PANK1: variants seen among roughly 807,000 people sequenced by gnomAD.
The protein encoded by PANK1 is pantothenate kinase 1, also known as pantothenic acid kinase 1.
In PANK1, 18 loss-of-function variants were observed where a neutral mutation model predicts 40.1. The observed-to-expected ratio is 0.45, with a 90% CI of 0.31 to 0.67. The LOEUF is 0.67. PANK1 is among the 30% of genes least tolerant of loss of function. The pLI is 0.06. For missense variants in PANK1, 457 were observed against 599.6 expected, an observed-to-expected ratio of 0.76 and a Z score of 2.48; for synonymous variants, 242 against 237.7, an observed-to-expected ratio of 1.02 and a Z score of -0.17.
chr10:89,641,281 C>T (rs1040537720), intron 1 of PANK1, among the ~76,000 whole-genome samples: 14 of 152,098 alleles, frequency 9.2e-5, no homozygotes, highest in African/African-American at 3.4e-4. Flanking sequence ...TAGCCCAATT[C>T]AAGGGTAATG....
intron 1 of PANK1, chr10:89,626,603 T>C (rs1330615503): frequency 6.6e-6 from 1 of 152,216 alleles, no homozygotes; most frequent in East Asian, 1.9e-4. Context: ...TCAGCTTTAA[T>C]TATGCCACTT....
intron 1 of PANK1, among the ~76,000 whole-genome samples, chr10:89,640,277 A>G (rs1251547462): frequency 6.6e-6 from 1 of 152,176 alleles, no homozygotes; most frequent in Non-Finnish European, 1.5e-5. Flanking sequence ...CTTTCCTAAC[A>G]ACAGAGAAAT....
rs1333168025 is a variant in PANK1 at position 89,595,864 on chromosome 10, ATATATATAT to A, written c.900-1884_900-1876del. Among the ~76,000 whole-genome samples, 696 of 119,280 alleles carry A rather than the reference ATATATATAT, an allele frequency of 5.8e-3. 39 individuals are homozygous for A. The highest frequency in any genetic ancestry group is 0.026 in the Middle Eastern group (6 of 230). The allele number at this position is 119,280 out of a possible 152,430, so 78.3% of individuals were successfully genotyped here. A position where few individuals can be genotyped will look rare whatever the true frequency, so the allele number is the denominator to read the frequency against. The stretch of plus-strand genomic sequence containing the variant: ...TATATATATATATATATATATATAT[ATATATATAT>A]AACTTCATTTACTAATATATATATG... On this transcript the variant is annotated intron_variant, in intron 3 of 6. Coordinates refer to ENST00000307534, the MANE Select transcript of PANK1 (RefSeq NM_148977.3).
At position 89,595,824 on chromosome 10, in the gene PANK1, AAAAAAAAAAATATATAT is replaced by A. The variant is rs1175014429; in HGVS notation, c.900-1852_900-1836del. 5.7e-5 allele frequency among the ~76,000 whole-genome samples: 3 copies of A among 52,744 alleles called. 1 individual carries two copies. The Admixed American group carries it at 7.1e-4, about 12-fold the overall frequency. 34.6% of individuals were successfully genotyped at this position (52,744 alleles called of 152,430 possible). ...AGAGCCGGACTCCATCTTAAAAAAA[AAAAAAAAAAATATATAT>A]ATATATATATATATATATATATATA... On this transcript the variant is annotated intron_variant, in intron 3 of 6. Transcript: ENST00000307534.
intron 1 of PANK1, among the ~76,000 whole-genome samples, chr10:89,619,273 C>T (rs756649892): frequency 6.6e-6 from 1 of 152,100 alleles, no homozygotes; most frequent in African/African-American, 2.4e-5. Context: ...TTCTTGAAGG[C>T]TTTTTCAGAA....
At position 89,644,333 on chromosome 10, in the gene PANK1, C is replaced by T. The variant is rs185528228; in HGVS notation, c.292+267G>A. Among the ~76,000 whole-genome samples, 233 of 152,332 alleles carry T rather than the reference C, an allele frequency of 1.5e-3. 1 individual carries two copies. Among genetic ancestry groups the T allele is most frequent in the African/African-American group, 5.3e-3 (221 of 41,582 alleles). On this transcript the variant is annotated intron_variant, in intron 1 of 6. Transcript: ENST00000307534. ...GACAGAGCGTTCGCTTATTATATAT[C>T]CTTGACCTAGGGACCCGCTCAAGCT...
intron 1 of PANK1, among the ~76,000 whole-genome samples, chr10:89,630,941 A>C (rs1284876151): frequency 6.6e-6 from 1 of 152,238 alleles, no homozygotes; most frequent in East Asian, 1.9e-4. Context: ...CTGAGGCAGG[A>C]GGTTTGCTTG....
At chr10:89,618,328 G>C (rs1174838550) in intron 1 of PANK1, among the ~76,000 whole-genome samples, 3 of 152,142 alleles carry the variant, frequency 2.0e-5, no homozygotes, top group Admixed American at 1.3e-4. Context: ...GTGTGGGGGG[G>C]TGGTGATGAA....
chr10:89,584,334 C>T lies in PANK1; in HGVS notation c.*72G>A. ...TGGCTTGGCTTCCGTCCCAAAGCGA[C>T]TTTCACCTTCTCCAGCAGCAATTTT... On this transcript the variant is annotated 3_prime_UTR_variant, in exon 7 of 7. Coordinates refer to ENST00000307534, the MANE Select transcript of PANK1 (RefSeq NM_148977.3). 1 of 986,252 alleles carries T rather than the reference C, an allele frequency of 1.0e-6. No individual in the cohort carries two copies. The highest frequency in any genetic ancestry group is 1.6e-6 in the Non-Finnish European group (1 of 613,458). 61.1% of individuals were successfully genotyped at this position (986,252 alleles called of 1,614,324 possible).
rs1359957835 is a variant in PANK1, at chr10:89,583,516, A to T, written c.*890T>A. On this transcript the variant is annotated 3_prime_UTR_variant, in exon 7 of 7. Transcript: ENST00000307534. Reference sequence around the variant, plus strand: ...TCCCAATAAGTTTCAAATTTCTTGCACAAAGATTTGCTGCCATTCATATTC... The same window carrying T: ...TCCCAATAAGTTTCAAATTTCTTGCTCAAAGATTTGCTGCCATTCATATTC... The T allele has an allele frequency of 6.6e-6, 1 of 152,228 alleles. No individual in the cohort carries two copies. Among genetic ancestry groups the T allele is most frequent in the East Asian group, 1.9e-4 (1 of 5,204 alleles). 9.4% of individuals were successfully genotyped at this position (152,228 alleles called of 1,614,324 possible). A position where few individuals can be genotyped will look rare whatever the true frequency, so the allele number is the denominator to read the frequency against.
chr10:89,585,674 A>T (rs1312984560), intron 6 of PANK1, among the ~76,000 whole-genome samples: 1 of 152,208 alleles, frequency 6.6e-6, no homozygotes, highest in Non-Finnish European at 1.5e-5. Flanking sequence ...ATTGTCTAAG[A>T]TCTCACAGTC....
At chr10:89,630,585 C>T (rs1841609911) in intron 1 of PANK1, among the ~76,000 whole-genome samples, 2 of 151,862 alleles carry the variant, frequency 1.3e-5, no homozygotes, top group African/African-American at 2.4e-5. Flanking sequence ...CTCTGCCTCC[C>T]GGGTTCACAC....
chr10:89,581,597 G>A (rs1386050614), downstream of PANK1: 2 of 152,188 alleles, frequency 1.3e-5, no homozygotes, highest in African/African-American at 4.8e-5. Context: ...TGTATTTTCA[G>A]TAGAGACGGG....
intron 1 of PANK1, among the ~76,000 whole-genome samples, chr10:89,615,784 ACT>A (rs1374513961): frequency 2.6e-5 from 4 of 152,192 alleles, no homozygotes. Flanking sequence ...TTTTCAGTAC[ACT>A]GTCTTATATT....
intron 1 of PANK1, among the ~76,000 whole-genome samples, chr10:89,622,364 G>A (rs549932023): frequency 7.9e-5 from 12 of 152,146 alleles, no homozygotes; most frequent in Non-Finnish European, 1.8e-4. Context: ...ATTACCCAGT[G>A]TTGGCAAGGG....
intron 3 of PANK1, among the ~76,000 whole-genome samples, chr10:89,597,989 A>G (rs556381361): frequency 2.0e-5 from 3 of 152,306 alleles, no homozygotes; most frequent in African/African-American, 7.2e-5. Flanking sequence ...GTAGGTTTCA[A>G]TTAGAATGTG....
chr10:89,586,325 G>T (rs1187746515), intron 6 of PANK1, among the ~76,000 whole-genome samples: 1 of 152,040 alleles, frequency 6.6e-6, no homozygotes, highest in African/African-American at 2.4e-5. Flanking sequence ...TTTTTTTAAA[G>T]GCTGAGATGT....
chr10:89,634,253 G>A (rs867256250), intron 1 of PANK1, among the ~76,000 whole-genome samples: 3 of 152,042 alleles, frequency 2.0e-5, no homozygotes, highest in Non-Finnish European at 2.9e-5. Flanking sequence ...CTCTCTGGTC[G>A]CCCCTGACCA....
chr10:89,626,433 T>C (rs1161654283), intron 1 of PANK1: 2 of 152,056 alleles, frequency 1.3e-5, no homozygotes, highest in African/African-American at 2.4e-5. Flanking sequence ...GCCTCCCAAG[T>C]AGCTGGGACT....
Sources: gnomAD v4.1 joint callset for allele counts (sites outside exome capture counted in the v4.1 genomes callset) on GRCh38, gnomAD v4.1.1 for gene constraint, MANE v1.5 for transcripts, NCBI Gene and HGNC (gene_info 2026-07-23, HGNC 2026-07-21) for gene names.